The following LINGO2 variants were observed in gnomAD, a reference collection of about 807,000 sequenced individuals.
LINGO2 encodes leucine rich repeat and Ig domain containing 2, also known as leucine-rich repeat and immunoglobulin-like domain-containing nogo receptor-interacting protein 2.
A neutral mutation model predicts 30.6 loss-of-function variants in LINGO2; 14 were observed. The observed-to-expected ratio is 0.46, with a 90% CI of 0.30 to 0.72. LINGO2 has a LOEUF of 0.72. Among genes scored for constraint, LINGO2 ranks in the 30% least tolerant of loss-of-function variants. The pLI is 0.07. For missense variants in LINGO2, 729 were observed against 751.7 expected (o/e 0.97, Z 0.35); for synonymous variants, 317 against 288.5 (o/e 1.10, Z -1.00).
intron 1 of LINGO2, among the ~76,000 whole-genome samples, chr9:28,534,475 C>T (rs1231411209): frequency 2.0e-5 from 3 of 152,078 alleles, no homozygotes; most frequent in African/African-American, 7.2e-5. Flanking sequence ...TCTCTTATTC[C>T]ACAACTAACC....
the LINGO2 span, among the ~76,000 whole-genome samples, chr9:28,828,868 T>G: frequency 6.6e-6 from 1 of 152,174 alleles, no homozygotes; most frequent in Non-Finnish European, 1.5e-5. Context: ...TGTAATTTAC[T>G]TGCATCACAC....
intron 4 of LINGO2, among the ~76,000 whole-genome samples, chr9:28,247,347 C>G (rs916703285): frequency 1.3e-5 from 2 of 152,092 alleles, no homozygotes; most frequent in African/African-American, 4.8e-5. Flanking sequence ...ATGGAACCAA[C>G]CCAAATGTCC....
At chr9:28,957,113 G>C in the LINGO2 span, among the ~76,000 whole-genome samples, 1 of 152,022 alleles carries the variant, frequency 6.6e-6, no homozygotes, top group Admixed American at 6.6e-5. Flanking sequence ...CAGAAGCCTG[G>C]CAGTTGAGGG....
chr9:28,809,537 A>G, the LINGO2 span, among the ~76,000 whole-genome samples: 2 of 152,178 alleles, frequency 1.3e-5, no homozygotes, highest in Non-Finnish European at 2.9e-5. Flanking sequence ...CGAGGACAGG[A>G]GTTCGGGACC....
the LINGO2 span, among the ~76,000 whole-genome samples, chr9:28,815,680 G>T: frequency 6.6e-6 from 1 of 151,954 alleles, no homozygotes; most frequent in African/African-American, 2.4e-5. Context: ...TCGAAACCAA[G>T]AGTACCGTGT....
intron 1 of LINGO2, among the ~76,000 whole-genome samples, chr9:28,582,135 A>G (rs1256968696): frequency 6.6e-6 from 1 of 151,966 alleles, no homozygotes; most frequent in Non-Finnish European, 1.5e-5. Context: ...TAAAATGGCT[A>G]TTTCTCAAGG....
At chr9:28,740,669 A>G in the LINGO2 span, among the ~76,000 whole-genome samples, 1 of 151,916 alleles carries the variant, frequency 6.6e-6, no homozygotes. Context: ...TCTAAACTAC[A>G]TTCTTAAAAA....
chr9:28,848,364 T>A, the LINGO2 span, among the ~76,000 whole-genome samples: 1 of 48,406 alleles, frequency 2.1e-5, no homozygotes, highest in Non-Finnish European at 3.3e-5. Context: ...ACACATATAT[T>A]GTGTGTGTGT....
chr9:28,753,337 A>C, the LINGO2 span, among the ~76,000 whole-genome samples: 1 of 152,090 alleles, frequency 6.6e-6, no homozygotes, highest in Non-Finnish European at 1.5e-5. Context: ...ATCTTCTTAC[A>C]GAAAAGTATT....
At chr9:28,373,900 CAAA>C (rs5897288) in intron 2 of LINGO2, among the ~76,000 whole-genome samples, 11 of 93,028 alleles carry the variant, frequency 1.2e-4, no homozygotes, top group South Asian at 3.7e-4. Flanking sequence ...AACTCCATCT[CAAA>C]AAAAAAAAAA....
chr9:28,459,776 T>G (rs1280397612), intron 2 of LINGO2, among the ~76,000 whole-genome samples: 2 of 152,112 alleles, frequency 1.3e-5, no homozygotes, highest in East Asian at 3.9e-4. Context: ...TATTTGAAAC[T>G]TCAAAGTATT....
chr9:28,328,720 G>A (rs905397006), intron 3 of LINGO2, among the ~76,000 whole-genome samples: 31 of 152,242 alleles, frequency 2.0e-4, no homozygotes, highest in African/African-American at 7.0e-4. Flanking sequence ...AGGGAGTAAT[G>A]CAATGTACAT....
At chr9:28,971,025 G>A in the LINGO2 span, among the ~76,000 whole-genome samples, 2 of 152,124 alleles carry the variant, frequency 1.3e-5, no homozygotes, top group Non-Finnish European at 2.9e-5. Flanking sequence ...GGACTGCCTT[G>A]CTTCTTGGAT....
intron 4 of LINGO2, among the ~76,000 whole-genome samples, chr9:28,044,040 G>T (rs532497029): frequency 7.9e-5 from 12 of 152,116 alleles, no homozygotes; most frequent in Admixed American, 7.9e-4. Flanking sequence ...CCATGCCTTT[G>T]TACTAGCAGT....
the LINGO2 span, among the ~76,000 whole-genome samples, chr9:29,113,018 G>A: frequency 1.3e-5 from 2 of 152,170 alleles, no homozygotes; most frequent in Non-Finnish European, 2.9e-5. Context: ...AGCAGTAAAA[G>A]CTCTTAAAAA....
intron 4 of LINGO2, among the ~76,000 whole-genome samples, chr9:28,050,071 G>A (rs1355609545): frequency 6.6e-6 from 1 of 150,698 alleles, no homozygotes; most frequent in Non-Finnish European, 1.5e-5. Flanking sequence ...CAGGTAAAAA[G>A]GTAGGGCTTT....
At chr9:27,960,614 C>CTTTTTTTT (rs540319420) in intron 5 of LINGO2, among the ~76,000 whole-genome samples, 4 of 122,312 alleles carry the variant, frequency 3.3e-5, no homozygotes, top group African/African-American at 2.8e-5. Flanking sequence ...TGTGGTATAT[C>CTTTTTTTT]TTTTTTTTTT....
chr9:28,637,848 C>T (rs1827360221), intron 1 of LINGO2, among the ~76,000 whole-genome samples: 1 of 152,128 alleles, frequency 6.6e-6, no homozygotes, highest in African/African-American at 2.4e-5. Context: ...GCCAGAACTT[C>T]CAACACTATG....
rs138032514 is a variant in LINGO2, at chr9:28,405,819, A to G, written c.-278-32951T>C. Among the ~76,000 whole-genome samples, 445 of 152,060 alleles carry G rather than the reference A, an allele frequency of 2.9e-3. 3 individuals are homozygous for G. Among genetic ancestry groups the G allele is most frequent in the African/African-American group, 0.01 (423 of 41,516 alleles). On this transcript the variant is annotated intron_variant, in intron 2 of 5. Coordinates refer to ENST00000379992, the Ensembl canonical transcript of LINGO2. Reference sequence around the variant, plus strand: ...TCCAATCAATACTTAAGCCTTCTCTATGGTTTTTATATGACTCCGTTTTTC... The same window carrying G: ...TCCAATCAATACTTAAGCCTTCTCTGTGGTTTTTATATGACTCCGTTTTTC...
Sources: gnomAD v4.1 joint callset for allele counts (sites outside exome capture counted in the v4.1 genomes callset) on GRCh38, gnomAD v4.1.1 for gene constraint, MANE v1.5 for transcripts, NCBI Gene and HGNC (gene_info 2026-07-23, HGNC 2026-07-21) for gene names.